CCDC158: variants seen among roughly 807,000 people sequenced by gnomAD.
The protein encoded by CCDC158 is coiled-coil domain containing 158.
In CCDC158, 116 loss-of-function variants were observed where a neutral mutation model predicts 138.6. That is an observed-to-expected ratio of 0.84 (90% CI 0.72 to 0.98). The LOEUF is 0.98. CCDC158 is among the 50% of genes least tolerant of loss of function. CCDC158 has a pLI of 0.00. For synonymous variants in CCDC158, 436 were observed against 442.4 expected (o/e 0.99, Z 0.18); for missense variants, 1,265 against 1,306.1 (o/e 0.97, Z 0.48).
intron 15 of CCDC158, among the ~76,000 whole-genome samples, chr4:76,354,453 T>G (rs924489354): frequency 3.3e-5 from 5 of 152,326 alleles, no homozygotes; most frequent in Middle Eastern, 3.4e-3. Context: ...GCACTTATTT[T>G]CTACTTGTCA....
intron 12 of CCDC158, among the ~76,000 whole-genome samples, chr4:76,365,062 G>A (rs767956657): frequency 1.6e-4 from 24 of 152,324 alleles, no homozygotes; most frequent in Middle Eastern, 3.4e-3. Context: ...CACATAGGAC[G>A]AGTGCTGCTC....
At chr4:76,372,726 T>G (rs78218364) in intron 9 of CCDC158, among the ~76,000 whole-genome samples, 4,477 of 152,324 alleles carry the variant, frequency 0.029, 222 homozygotes, top group African/African-American at 0.1. Context: ...AAAATGGGAA[T>G]AAAAGTACCA....
chr4:76,317,647 G>A (rs1220603938), intron 24 of CCDC158, among the ~76,000 whole-genome samples: 5 of 152,068 alleles, frequency 3.3e-5, no homozygotes. Flanking sequence ...CTATATCCTA[G>A]AACAAACAGA....
At chr4:76,327,088 A>G (rs1294333641) in intron 22 of CCDC158, among the ~76,000 whole-genome samples, 3 of 152,146 alleles carry the variant, frequency 2.0e-5, no homozygotes, top group Admixed American at 1.3e-4. Context: ...GGTACTGCCA[A>G]TGTATGAGAA....
intron 3 of CCDC158, among the ~76,000 whole-genome samples, chr4:76,397,600 C>G (rs1225831257): frequency 1.3e-5 from 2 of 152,048 alleles, no homozygotes; most frequent in African/African-American, 4.8e-5. Context: ...AATTCTGAAA[C>G]TAGTTCATGT....
chr4:76,317,294 C>T (rs1381945175), intron 24 of CCDC158, among the ~76,000 whole-genome samples: 3 of 152,080 alleles, frequency 2.0e-5, no homozygotes, highest in African/African-American at 7.2e-5. Context: ...AAAAGATATT[C>T]CATGCAAATG....
chr4:76,317,398 T>C (rs998371291), intron 24 of CCDC158, among the ~76,000 whole-genome samples: 4 of 152,154 alleles, frequency 2.6e-5, no homozygotes, highest in African/African-American at 7.2e-5. Flanking sequence ...GGATATTATA[T>C]AGTGATAAAG....
chr4:76,323,085 C>T (rs985518650), intron 24 of CCDC158, among the ~76,000 whole-genome samples: 1 of 152,172 alleles, frequency 6.6e-6, no homozygotes, highest in Admixed American at 6.5e-5. Context: ...TTGTCATCCC[C>T]ATTAGATAAG....
intron 18 of CCDC158, among the ~76,000 whole-genome samples, chr4:76,336,283 A>G (rs1177932760): frequency 6.6e-6 from 1 of 151,600 alleles, no homozygotes; most frequent in African/African-American, 2.4e-5. Flanking sequence ...CTTTATCCCA[A>G]TACTTACCTT....
chr4:76,337,176 G>A (rs1168588789), intron 18 of CCDC158, among the ~76,000 whole-genome samples: 1 of 152,054 alleles, frequency 6.6e-6, no homozygotes, highest in African/African-American at 2.4e-5. Context: ...TTTTTGGAGA[G>A]ATGGGGTTTT....
At chr4:76,399,685 G>C (rs547922939) in intron 3 of CCDC158, among the ~76,000 whole-genome samples, 19 of 152,280 alleles carry the variant, frequency 1.2e-4, no homozygotes, top group African/African-American at 4.6e-4. Flanking sequence ...ATCAGGAAGG[G>C]ATAGTTTGGG....
In CCDC158 at chr4:76,396,311, T is replaced by C; in HGVS notation, c.246A>G (p.Glu82=). 2 of 1,613,850 alleles carry C rather than the reference T, an allele frequency of 1.2e-6. No homozygotes were observed. Among genetic ancestry groups the C allele is most frequent in the Non-Finnish European group, 1.7e-6 (2 of 1,179,890 alleles). The change falls in exon 4 of 25, where the codon GAA becomes GAG. Residue 82 remains glutamate, a synonymous_variant. Transcript: ENST00000682701. ...GTAAATCTTTGACTTGATGTGAATA[T>C]TCTTCCAAAACACGTTCAAAGTGTT... ...GKEHFERVLE[E]YSHQVKDLQR...
At chr4:76,345,718 A>G (rs1722481080) in intron 18 of CCDC158, 1 of 572,562 alleles carries the variant, frequency 1.7e-6, no homozygotes, top group South Asian at 2.0e-5. Context: ...AAATATTTTG[A>G]TTTCTACAAA....
intron 2 of CCDC158, among the ~76,000 whole-genome samples, chr4:76,403,874 C>T (rs1728605932): frequency 6.6e-6 from 1 of 152,052 alleles, no homozygotes; most frequent in African/African-American, 2.4e-5. Flanking sequence ...GCCCACCTAC[C>T]AACACTACAA....
At chr4:76,383,854 G>GAT in intron 6 of CCDC158, 116 bp from the exon 7 acceptor site, 1 of 777,018 alleles carries the variant, frequency 1.3e-6, no homozygotes, top group Non-Finnish European at 2.2e-6. Context: ...ACTAAAATCA[G>GAT]ATACATTCTA....
intron 17 of CCDC158, 49 bp from the exon 18 acceptor site, chr4:76,351,170 T>C (rs1578940467): frequency 1.3e-6 from 2 of 1,522,356 alleles, no homozygotes; most frequent in Admixed American, 2.1e-5. Flanking sequence ...CCTACAATTA[T>C]AAAGAAATGT....
chr4:76,407,642 T>A (rs551481394), intron 2 of CCDC158, among the ~76,000 whole-genome samples: 16 of 152,258 alleles, frequency 1.1e-4, no homozygotes, highest in Non-Finnish European at 1.9e-4. Flanking sequence ...CTGAGTAATG[T>A]TATCATGAAT....
At position 76,367,784 on chromosome 4, in the gene CCDC158, T is replaced by C; in HGVS notation, c.1348-8A>G. ...TCCTTGAATTGCTGCCATCTGATTG[T>C]TAAAGAAAAGAGAATTTCATAGATT... On this transcript the variant is annotated splice_region_variant and splice_polypyrimidine_tract_variant and intron_variant, in intron 11 of 24. Transcript: ENST00000682701. 1.9e-6 allele frequency: 3 copies of C among 1,588,794 alleles called. No individual in the cohort carries two copies. Among genetic ancestry groups the C allele is most frequent in the Non-Finnish European group, 2.6e-6 (3 of 1,168,518 alleles).
chr4:76,329,127 G>A (rs989234139), intron 21 of CCDC158, among the ~76,000 whole-genome samples, 160 bp from the exon 22 acceptor site: 3 of 152,140 alleles, frequency 2.0e-5, no homozygotes, highest in African/African-American at 7.2e-5. Context: ...TAAGAGGTAG[G>A]TTCAAAGTTG....
Sources: allele counts gnomAD v4.1 joint callset (sites outside exome capture counted in the v4.1 genomes callset), GRCh38; gene constraint gnomAD v4.1.1; transcripts MANE v1.5; gene names NCBI Gene and HGNC (gene_info 2026-07-23, HGNC 2026-07-21).